Variants in MBNL1 observed in about 807,000 individuals in gnomAD.
MBNL1 encodes muscleblind-like protein 1.
A neutral mutation model predicts 42.2 loss-of-function variants in MBNL1; 8 were observed. The observed-to-expected ratio is 0.19, with a 90% confidence interval of 0.11 to 0.34. MBNL1 has a LOEUF of 0.34. Among genes scored for constraint, MBNL1 ranks in the 10% least tolerant of loss-of-function variants. The probability of loss-of-function intolerance (pLI) is 1.00; values close to 1 mark genes in which losing one functional copy is unlikely to be tolerated. For synonymous variants in MBNL1, 169 were observed against 173.9 expected (o/e 0.97, Z 0.22); for missense variants, 309 against 495.3 (o/e 0.62, Z 3.57).
chr3:152,385,800 T>G (rs2097388728), intron 2 of MBNL1, among the ~76,000 whole-genome samples: 1 of 152,066 alleles, frequency 6.6e-6, no homozygotes, highest in African/African-American at 2.4e-5. Context: ...GATCACCACC[T>G]GAAGACTAAT....
intron 3 of MBNL1, among the ~76,000 whole-genome samples, chr3:152,430,351 T>G (rs1199670345): frequency 6.6e-6 from 1 of 152,248 alleles, no homozygotes; most frequent in Admixed American, 6.5e-5. Context: ...AATAACTTTC[T>G]GAAGTATACA....
chr3:152,310,826 G>T lies in MBNL1; in HGVS notation c.174+10459G>T, dbSNP rs117489342. 4.8e-3 allele frequency among the ~76,000 whole-genome samples: 734 copies of T among 152,112 alleles called. 45 individuals are homozygous for T. The East Asian group carries it at 0.12, about 25-fold the overall frequency. On this transcript the variant is annotated intron_variant, in intron 2 of 9. Coordinates refer to ENST00000324210, the MANE Select transcript of MBNL1 (RefSeq NM_021038.5). ...ATCAGAATAATAGACTGTTTGGGGG[G>T]GTTGGGGGGAACCCATGAGAATTTC...
At chr3:152,427,700 A>G (rs2098951084) in intron 3 of MBNL1, among the ~76,000 whole-genome samples, 1 of 151,858 alleles carries the variant, frequency 6.6e-6, no homozygotes, top group African/African-American at 2.4e-5. Context: ...TACCTTGATT[A>G]TGTGTGCTTT....
At chr3:152,301,271 G>T (rs2060614511) in intron 2 of MBNL1, among the ~76,000 whole-genome samples, 1 of 152,112 alleles carries the variant, frequency 6.6e-6, no homozygotes, top group South Asian at 2.1e-4. Context: ...GACACACAAG[G>T]TCAAGACTAG....
chr3:152,452,296 CT>C (rs1350460263), intron 6 of MBNL1, among the ~76,000 whole-genome samples: 1 of 152,118 alleles, frequency 6.6e-6, no homozygotes. Flanking sequence ...TACACCATTT[CT>C]TTTTTCGTTG....
chr3:152,427,547 C>T (rs2098948920), intron 3 of MBNL1, among the ~76,000 whole-genome samples: 1 of 152,024 alleles, frequency 6.6e-6, no homozygotes, highest in African/African-American at 2.4e-5. Flanking sequence ...ACCCACTGTG[C>T]CTGGCCCTGC....
At chr3:152,394,780 T>C (rs982188437) in intron 2 of MBNL1, among the ~76,000 whole-genome samples, 1 of 152,242 alleles carries the variant, frequency 6.6e-6, no homozygotes, top group Non-Finnish European at 1.5e-5. Flanking sequence ...GGGAGACCTT[T>C]AGATGGGTGT....
At chr3:152,340,582 C>G in intron 2 of MBNL1, 1 of 1,613,908 alleles carries the variant, frequency 6.2e-7, no homozygotes, top group Non-Finnish European at 8.5e-7. Context: ...GATCTGTTCA[C>G]CATACATACT....
chr3:152,320,350 A>T (rs1029776752), intron 2 of MBNL1, among the ~76,000 whole-genome samples: 4 of 152,086 alleles, frequency 2.6e-5, no homozygotes, highest in Non-Finnish European at 5.9e-5. Flanking sequence ...ACTATAATGG[A>T]CTATTTATGT....
At chr3:152,259,402 A>C (rs546178413) in intron 2 of MBNL1, among the ~76,000 whole-genome samples, 1 of 152,362 alleles carries the variant, frequency 6.6e-6, no homozygotes, top group Non-Finnish European at 1.5e-5. Flanking sequence ...CCAGAAACAG[A>C]AAAAAATCAT....
At chr3:152,340,520 G>T in intron 2 of MBNL1, 2 of 1,579,354 alleles carry the variant, frequency 1.3e-6, no homozygotes, top group Non-Finnish European at 1.7e-6. Flanking sequence ...TGGAAGTTGG[G>T]AGATTTTTAA....
intron 5 of MBNL1, among the ~76,000 whole-genome samples, 168 bp from the exon 6 acceptor site, chr3:152,447,452 T>G (rs1470777161): frequency 2.6e-5 from 4 of 152,074 alleles, no homozygotes; most frequent in Non-Finnish European, 5.9e-5. Context: ...GCTTTTTTTT[T>G]TTTTTTCCTC....
At chr3:152,327,974 TA>T (rs2081517767) in intron 2 of MBNL1, among the ~76,000 whole-genome samples, 1 of 152,126 alleles carries the variant, frequency 6.6e-6, no homozygotes, top group African/African-American at 2.4e-5. Flanking sequence ...TTTATTAATT[TA>T]TTTTTTTGAA....
chr3:152,272,894 G>GA (rs1358711467), intron 1 of MBNL1, among the ~76,000 whole-genome samples: 10 of 152,060 alleles, frequency 6.6e-5, no homozygotes, highest in Non-Finnish European at 1.3e-4. Context: ...GTGTTAAGCT[G>GA]AAAAAAATGT....
At chr3:152,268,164 G>T (rs2037793364), upstream of MBNL1, 1 of 152,298 alleles carries the variant, frequency 6.6e-6, no homozygotes, top group Admixed American at 6.5e-5. Context: ...TTTTAAAGAG[G>T]GAGCTTTGCT....
chr3:152,432,189 A>G (rs911966064), intron 3 of MBNL1, among the ~76,000 whole-genome samples: 1 of 152,240 alleles, frequency 6.6e-6, no homozygotes, highest in Admixed American at 6.5e-5. Context: ...CACCTTTCAC[A>G]TACCCCATGA....
chr3:152,342,253 C>T (rs768445773), intron 2 of MBNL1, among the ~76,000 whole-genome samples: 10 of 152,118 alleles, frequency 6.6e-5, no homozygotes, highest in Non-Finnish European at 1.3e-4. Context: ...GGGATTCTGT[C>T]TGCACCTCCT....
chr3:152,355,129 A>G (rs2095416232), intron 2 of MBNL1, among the ~76,000 whole-genome samples: 1 of 152,188 alleles, frequency 6.6e-6, no homozygotes, highest in African/African-American at 2.4e-5. Context: ...AAGTATGACA[A>G]AAAAATCGTA....
chr3:152,300,403 T>G, intron 2 of MBNL1, 36 bp downstream of exon 2: 1 of 1,541,406 alleles, frequency 6.5e-7, no homozygotes, highest in Non-Finnish European at 9.0e-7. Flanking sequence ...GGATATTCAA[T>G]GATTGAATGA....
Sources: gnomAD v4.1 joint callset for allele counts (sites outside exome capture counted in the v4.1 genomes callset) on GRCh38, gnomAD v4.1.1 for gene constraint, MANE v1.5 for transcripts, NCBI Gene and HGNC (gene_info 2026-07-23, HGNC 2026-07-21) for gene names.